PPFIA2: variants seen among roughly 807,000 people sequenced by gnomAD.
The protein encoded by PPFIA2 is liprin-alpha-2.
PPFIA2 carries 46 observed loss-of-function variants against 175.5 expected under a neutral mutation model. That is an observed-to-expected ratio of 0.26 (90% CI 0.21 to 0.34). PPFIA2 has a LOEUF of 0.34. Ranked by LOEUF, PPFIA2 falls within the 10% of genes least tolerant of loss-of-function variation. The pLI is 1.00. For missense variants in PPFIA2, 1,179 were observed against 1,506.1 expected (o/e 0.78, Z 3.60); for synonymous variants, 568 against 511.4 (o/e 1.11, Z -1.49).
intron 4 of PPFIA2, among the ~76,000 whole-genome samples, chr12:81,558,482 G>C (rs2069283929): frequency 6.6e-6 from 1 of 152,094 alleles, no homozygotes; most frequent in South Asian, 2.1e-4. Flanking sequence ...ATCAATAATA[G>C]TTACACTACC....
At chr12:81,592,568 G>T (rs2058790953) in intron 4 of PPFIA2, among the ~76,000 whole-genome samples, 1 of 152,098 alleles carries the variant, frequency 6.6e-6, no homozygotes, top group African/African-American at 2.4e-5. Flanking sequence ...GATAGTGAAT[G>T]AGTCTCATGA....
At chr12:81,324,737 C>T (rs2054382219) in intron 22 of PPFIA2, among the ~76,000 whole-genome samples, 1 of 151,746 alleles carries the variant, frequency 6.6e-6, no homozygotes, top group Non-Finnish European at 1.5e-5. Context: ...TATGGCTGAG[C>T]ATTTGATTGT....
In PPFIA2 at chr12:81,634,041, A is replaced by G. The variant is rs1017844107; in HGVS notation, c.303+42750T>C. 4.6e-5 allele frequency among the ~76,000 whole-genome samples: 7 copies of G among 152,236 alleles called. 1 individual carries two copies. Among genetic ancestry groups the G allele is most frequent in the Middle Eastern group, 3.4e-3 (1 of 294 alleles). On this transcript the variant is annotated intron_variant, in intron 4 of 32. Coordinates refer to ENST00000549396, the MANE Select transcript of PPFIA2 (RefSeq NM_003625.5). ...TTTGTAATGGCTTAAAATATAAGTT[A>G]AAATGTTACATTAATTTTTTCCAGT...
intron 4 of PPFIA2, among the ~76,000 whole-genome samples, chr12:81,675,114 C>T (rs1043213752): frequency 1.3e-5 from 2 of 151,722 alleles, no homozygotes; most frequent in African/African-American, 4.8e-5. Context: ...AAGAACTATC[C>T]TCTTCACAAT....
In PPFIA2 at chr12:81,263,346, C is replaced by T; in HGVS notation, c.3600G>A (p.Gln1200=). 6.2e-7 allele frequency: 1 copy of T among 1,613,132 alleles called. No individual in the cohort carries two copies. Among genetic ancestry groups the T allele is most frequent in the South Asian group, 1.1e-5 (1 of 91,060 alleles). The part of the protein sequence containing the change: ...NFRRGSTWRR[Q]FPPREVHGIS... ...TTCCATGTACTTCACGAGGAGGAAA[C>T]TGCCTTCTCCAGGTTGATCCACGTC... Residue 1200 remains glutamine (Q), a synonymous_variant, in exon 31 of 33, where the codon CAG becomes CAA. Coordinates refer to ENST00000549396, the MANE Select transcript of PPFIA2 (RefSeq NM_003625.5).
chr12:81,706,144 G>T (rs1224482139), intron 3 of PPFIA2, among the ~76,000 whole-genome samples: 1 of 152,114 alleles, frequency 6.6e-6, no homozygotes, highest in Non-Finnish European at 1.5e-5. Flanking sequence ...CTATTTTTCA[G>T]GAATAGGATG....
intron 16 of PPFIA2, among the ~76,000 whole-genome samples, chr12:81,356,955 T>C (rs913496419): frequency 6.6e-5 from 10 of 152,162 alleles, no homozygotes; most frequent in Non-Finnish European, 1.3e-4. Context: ...AAGTAAGCAA[T>C]TGACCAGTGT....
chr12:81,295,941 G>A (rs556178117), intron 23 of PPFIA2, among the ~76,000 whole-genome samples: 53 of 152,200 alleles, frequency 3.5e-4, no homozygotes, highest in African/African-American at 1.3e-3. Flanking sequence ...AGTGAGCTGA[G>A]ATCAGGCCTT....
chr12:81,539,455 G>C (rs1224301245), intron 4 of PPFIA2, among the ~76,000 whole-genome samples: 2 of 151,920 alleles, frequency 1.3e-5, no homozygotes. Context: ...GAAGAAACAA[G>C]CGATGTAGGA....
intron 7 of PPFIA2, among the ~76,000 whole-genome samples, chr12:81,419,034 A>T (rs2045812145): frequency 6.6e-6 from 1 of 152,016 alleles, no homozygotes. Flanking sequence ...AATTTATTTC[A>T]CCGAATTTAT....
At chr12:81,430,225 G>A (rs1367202805) in intron 7 of PPFIA2, 1 of 151,944 alleles carries the variant, frequency 6.6e-6, no homozygotes, top group Non-Finnish European at 1.5e-5. Context: ...ATGGCTATAA[G>A]CATTTTCAAT....
chr12:81,714,921 C>A (rs936551372), intron 3 of PPFIA2, among the ~76,000 whole-genome samples: 1 of 150,954 alleles, frequency 6.6e-6, no homozygotes, highest in African/African-American at 2.4e-5. Context: ...ATTGCTCTAG[C>A]AGCACATGTC....
At chr12:81,564,171 A>C (rs1198381615) in intron 4 of PPFIA2, among the ~76,000 whole-genome samples, 3 of 152,238 alleles carry the variant, frequency 2.0e-5, no homozygotes, top group Non-Finnish European at 1.5e-5. Flanking sequence ...AACATTGTAC[A>C]TAGAAATCAT....
chr12:81,460,157 A>G (rs2054273860), intron 4 of PPFIA2, among the ~76,000 whole-genome samples: 1 of 152,068 alleles, frequency 6.6e-6, no homozygotes, highest in African/African-American at 2.4e-5. Context: ...AATTGTAACA[A>G]TCCCCACGTG....
chr12:81,577,151 A>G (rs536083465), intron 4 of PPFIA2, among the ~76,000 whole-genome samples: 26 of 151,900 alleles, frequency 1.7e-4, no homozygotes, highest in Non-Finnish European at 3.8e-4. Flanking sequence ...AAAACAGACA[A>G]ACATTAGAAT....
At chr12:81,420,788 A>C (rs1002482648) in intron 7 of PPFIA2, among the ~76,000 whole-genome samples, 25 of 152,102 alleles carry the variant, frequency 1.6e-4, no homozygotes, top group Non-Finnish European at 3.4e-4. Context: ...CCCAAATCTC[A>C]GGAGAGAAAT....
intron 8 of PPFIA2, 41 bp downstream of exon 8, chr12:81,405,746 A>C (rs2042821596): frequency 9.1e-7 from 1 of 1,104,476 alleles, no homozygotes; most frequent in Admixed American, 2.7e-5. Context: ...TGATATAAGA[A>C]GTAAACATTT....
At chr12:81,511,358 A>T (rs2061775326) in intron 4 of PPFIA2, among the ~76,000 whole-genome samples, 1 of 152,146 alleles carries the variant, frequency 6.6e-6, no homozygotes, top group Non-Finnish European at 1.5e-5. Flanking sequence ...AAAATAATAC[A>T]TCTTCAAGGA....
intron 4 of PPFIA2, chr12:81,598,086 A>G: frequency 6.5e-7 from 1 of 1,533,522 alleles, no homozygotes; most frequent in Non-Finnish European, 8.7e-7. Context: ...CAGAGCAGAG[A>G]GCTTAGCGTA....
Sources: allele counts gnomAD v4.1 joint callset (sites outside exome capture counted in the v4.1 genomes callset), GRCh38; gene constraint gnomAD v4.1.1; transcripts MANE v1.5; gene names NCBI Gene and HGNC (gene_info 2026-07-23, HGNC 2026-07-21).